Variants in NNT observed in about 807,000 individuals in gnomAD.
The protein encoded by NNT is NAD(P) transhydrogenase, mitochondrial.
Under a neutral mutation model 104.8 loss-of-function variants are expected in NNT, and 50 were observed. The observed-to-expected ratio is 0.48, with a 90% CI of 0.38 to 0.60. NNT has a LOEUF of 0.60. NNT is among the 20% of genes least tolerant of loss of function. NNT has a pLI of 0.00. For synonymous variants in NNT, 461 were observed against 490.4 expected (o/e 0.94, Z 0.79); for missense variants, 1,131 against 1,330.7 (o/e 0.85, Z 2.33).
chr5:43,636,573 A>G (rs1750940924), intron 7 of NNT, among the ~76,000 whole-genome samples: 1 of 152,206 alleles, frequency 6.6e-6, no homozygotes, highest in Non-Finnish European at 1.5e-5. Context: ...ATTCTTTTGT[A>G]GTAACAAAAT....
At chr5:43,616,455 A>G (rs914545502) in intron 4 of NNT, among the ~76,000 whole-genome samples, 1 of 152,338 alleles carries the variant, frequency 6.6e-6, no homozygotes, top group South Asian at 2.1e-4. Context: ...TTAAATTAAT[A>G]TGCATATATT....
intron 10 of NNT, chr5:43,648,300 G>A: frequency 3.1e-6 from 3 of 968,164 alleles, no homozygotes; most frequent in Non-Finnish European, 3.7e-6. Context: ...AAGGAAAAAG[G>A]TACCTTATTC....
chr5:43,667,227 G>C, intron 17 of NNT: 1 of 1,068,786 alleles, frequency 9.4e-7, no homozygotes, highest in South Asian at 1.2e-5. Flanking sequence ...TCTTGGACTT[G>C]GCCATGTCTG....
chr5:43,632,867 G>C (rs1428695941), intron 7 of NNT, among the ~76,000 whole-genome samples: 1 of 152,162 alleles, frequency 6.6e-6, no homozygotes, highest in Admixed American at 6.5e-5. Flanking sequence ...CATAGACATA[G>C]AATAGTTAAT....
intron 17 of NNT, among the ~76,000 whole-genome samples, chr5:43,675,103 A>G (rs1017916462): frequency 1.3e-5 from 2 of 152,188 alleles, no homozygotes; most frequent in African/African-American, 4.8e-5. Flanking sequence ...GATTCTTACC[A>G]GTTGCTTCTT....
intron 12 of NNT, among the ~76,000 whole-genome samples, chr5:43,651,499 AC>A (rs1197664493): frequency 6.6e-6 from 1 of 152,046 alleles, no homozygotes; most frequent in Non-Finnish European, 1.5e-5. Context: ...AATAGCTTGA[AC>A]CTGGGAGGCG....
At position 43,624,204 on chromosome 5, in the gene NNT, T is replaced by A; in HGVS notation, c.776+84T>A. ...TATGATTGCCTTAAAACTTGTAAAT[T>A]GAAGTAGCACATTGCAACTGGTCTA... On this transcript the variant is annotated intron_variant, in intron 6 of 21. Transcript: ENST00000344920. 2.5e-6 allele frequency: 3 copies of A among 1,181,688 alleles called. No homozygotes were observed. The South Asian group carries it at 3.7e-5, about 14-fold the overall frequency. The allele number at this position is 1,181,688 out of a possible 1,614,324, so 73.2% of individuals were successfully genotyped here. A position where few individuals can be genotyped will look rare whatever the true frequency, so the allele number is the denominator to read the frequency against.
At chr5:43,648,294 A>G in intron 10 of NNT, 1 of 972,750 alleles carries the variant, frequency 1.0e-6, no homozygotes, top group Non-Finnish European at 1.2e-6. Context: ...TACATCAAGG[A>G]AAAAGGTACC....
intron 2 of NNT, among the ~76,000 whole-genome samples, chr5:43,610,347 G>A (rs1240854221): frequency 6.6e-6 from 1 of 151,910 alleles, no homozygotes; most frequent in Non-Finnish European, 1.5e-5. Flanking sequence ...GATCATCCCA[G>A]TACTTCTGTC....
chr5:43,690,882 G>A (rs145033289), intron 19 of NNT, among the ~76,000 whole-genome samples: 23 of 152,166 alleles, frequency 1.5e-4, no homozygotes, highest in African/African-American at 5.3e-4. Context: ...CCTAGATAAG[G>A]CATTTGTTTT....
intron 19 of NNT, among the ~76,000 whole-genome samples, chr5:43,690,106 G>A (rs562595606): frequency 6.8e-4 from 104 of 152,240 alleles, no homozygotes; most frequent in African/African-American, 2.3e-3. Context: ...GGGAATAATC[G>A]AGGAAAACCC....
Position 43,619,097 on chromosome 5 carries a change from C to A in NNT, c.665C>A (p.Ala222Asp). ...TTTTTTACTGGTCAGATCACAGCTG[C>A]TGGAAAAGTTCCTCCAGCTAAGGTA... is the stretch of plus-strand genomic sequence containing the variant. ...GRFFTGQITA[A>D]GKVPPAKILI... is the part of the protein sequence containing the mutation. Residue 222 changes from alanine to aspartate, a missense_variant, in exon 5 of 22, where the codon GCT becomes GAT. Coordinates refer to ENST00000344920, the MANE Select transcript of NNT (RefSeq NM_182977.3). 1.3e-6 allele frequency: 2 copies of A among 1,549,720 alleles called. No individual in the cohort carries two copies. Among genetic ancestry groups the A allele is most frequent in the South Asian group, 1.3e-5 (1 of 76,266 alleles).
chr5:43,674,260 A>C (rs959072991), intron 17 of NNT, among the ~76,000 whole-genome samples: 2 of 152,104 alleles, frequency 1.3e-5, no homozygotes, highest in African/African-American at 4.8e-5. Context: ...GGCTTTATTA[A>C]AGTATGGCTT....
intron 10 of NNT, among the ~76,000 whole-genome samples, chr5:43,647,483 A>G (rs78421890): frequency 0.019 from 2,943 of 152,308 alleles, 43 homozygotes; most frequent in Middle Eastern, 0.054. Context: ...GGATGAACTT[A>G]TATGTGTTTT....
intron 9 of NNT, 40 bp from the exon 10 acceptor site, chr5:43,645,317 A>G (rs1040485038): frequency 7.5e-7 from 1 of 1,337,952 alleles, no homozygotes; most frequent in Non-Finnish European, 9.7e-7. Flanking sequence ...GAAATGCTGG[A>G]TTGACTTTTT....
At chr5:43,697,136 C>G (rs1742598225) in intron 19 of NNT, among the ~76,000 whole-genome samples, 1 of 152,142 alleles carries the variant, frequency 6.6e-6, no homozygotes, top group Non-Finnish European at 1.5e-5. Flanking sequence ...TGTTTTCTTT[C>G]TAAAACTGAA....
intron 7 of NNT, among the ~76,000 whole-genome samples, chr5:43,638,014 G>A (rs35427223): frequency 3.3e-5 from 5 of 152,142 alleles, no homozygotes; most frequent in African/African-American, 4.8e-5. Context: ...AGGACCAGGT[G>A]GAGAGAATTG....
chr5:43,692,197 T>C (rs1742319553), intron 19 of NNT, among the ~76,000 whole-genome samples: 1 of 152,188 alleles, frequency 6.6e-6, no homozygotes, highest in Admixed American at 6.5e-5. Flanking sequence ...GTTTTAATTT[T>C]TTTTTTCTTT....
chr5:43,612,790 T>C, intron 2 of NNT, 118 bp from the exon 3 acceptor site: 1 of 658,158 alleles, frequency 1.5e-6, no homozygotes, highest in African/African-American at 1.8e-5. Flanking sequence ...GCAGCTTGCA[T>C]GTGTGGTATA....
Sources: allele counts gnomAD v4.1 joint callset (sites outside exome capture counted in the v4.1 genomes callset), GRCh38; gene constraint gnomAD v4.1.1; transcripts MANE v1.5; gene names NCBI Gene and HGNC (gene_info 2026-07-23, HGNC 2026-07-21).